The following TMEM65 variants were observed in gnomAD, a reference collection of about 807,000 sequenced individuals.
TMEM65 encodes the protein transmembrane protein 65.
A neutral mutation model predicts 25.4 loss-of-function variants in TMEM65; 22 were observed. That is an observed-to-expected ratio of 0.86 (90% CI 0.62 to 1.23). The LOEUF (loss-of-function observed/expected upper bound fraction) is 1.23. Ranked by LOEUF, TMEM65 falls within the 50% of genes most tolerant of loss-of-function variation. The pLI, the probability that TMEM65 is intolerant of heterozygous loss-of-function variation, is 0.00. For missense variants in TMEM65, 262 were observed against 308.2 expected (o/e 0.85, Z 1.12); for synonymous variants, 132 against 126.2 (o/e 1.05, Z -0.31).
intron 1 of TMEM65, 100 bp downstream of exon 1, chr8:124,371,753 GC>G (rs1815017772): frequency 1.4e-5 from 16 of 1,182,144 alleles, no homozygotes; most frequent in Non-Finnish European, 1.4e-5. Flanking sequence ...GGGGGCGGCG[GC>G]GGGGGTCCAA....
intron 1 of TMEM65, among the ~76,000 whole-genome samples, chr8:124,340,766 T>C (rs1814574869): frequency 2.0e-5 from 3 of 152,160 alleles, no homozygotes; most frequent in Admixed American, 1.3e-4. Context: ...GGTTTTAACA[T>C]TCTTATCATC....
At chr8:124,339,523 CTAA>C (rs1387528345) in intron 1 of TMEM65, among the ~76,000 whole-genome samples, 1 of 151,782 alleles carries the variant, frequency 6.6e-6, no homozygotes, top group Admixed American at 6.6e-5. Flanking sequence ...TTTAATCTGT[CTAA>C]TGTTTTTCTT....
At chr8:124,353,488 C>A (rs139700735) in intron 1 of TMEM65, among the ~76,000 whole-genome samples, 2 of 151,826 alleles carry the variant, frequency 1.3e-5, no homozygotes, top group East Asian at 3.9e-4. Flanking sequence ...TATATAAATA[C>A]ATATATTCAT....
Position 124,313,779 on chromosome 8 carries a change from C to A in TMEM65, c.*181G>T. The A allele has an allele frequency of 3.7e-6, 2 of 538,228 alleles. No individual in the cohort carries two copies. The highest frequency in any genetic ancestry group is 2.8e-5 in the South Asian group (1 of 36,064). The allele number at this position is 538,228 out of a possible 1,614,324, so 33.3% of individuals were successfully genotyped here. ...ATATACACAAAATGATACTAAACAG[C>A]TTTTTAAAAAAGATGTCCTAAGAAG... On this transcript the variant is annotated 3_prime_UTR_variant, in exon 7 of 7. Transcript: ENST00000297632.
At chr8:124,325,472 A>T (rs1814356926) in intron 3 of TMEM65, among the ~76,000 whole-genome samples, 1 of 151,988 alleles carries the variant, frequency 6.6e-6, no homozygotes. Flanking sequence ...TGCCACACCT[A>T]CTACTCTTAA....
intron 1 of TMEM65, among the ~76,000 whole-genome samples, chr8:124,369,057 G>T (rs1174341065): frequency 2.6e-5 from 4 of 152,130 alleles, no homozygotes; most frequent in Admixed American, 1.3e-4. Flanking sequence ...ACATTGAAAG[G>T]CCACTGTAAT....
Position 124,313,716 on chromosome 8 carries a change from A to G in TMEM65, c.*244T>C, listed in dbSNP as rs970807342. On this transcript the variant is annotated 3_prime_UTR_variant, in exon 7 of 7. Coordinates refer to ENST00000297632, the MANE Select transcript of TMEM65 (RefSeq NM_194291.3). ...CATTATGAATATAAAAAGAAAGGAT[A>G]AAATGTTGACTGCTATTGATGAAAA... is the stretch of plus-strand genomic sequence containing the variant. The G allele has an allele frequency of 7.4e-6, 3 of 405,106 alleles. No homozygotes were observed. Among genetic ancestry groups the G allele is most frequent in the Admixed American group, 4.2e-5 (1 of 24,006 alleles). The allele number at this position is 405,106 out of a possible 1,614,324, so 25.1% of individuals were successfully genotyped here.
At position 124,312,883 on chromosome 8, in the gene TMEM65, A is replaced by G. The variant is rs1303726007; in HGVS notation, c.*1077T>C. ...CTTCAACAGAAATTATTCATAAATAAAATTCACTAAATAAGATATAATGAG... is the reference window on the plus strand; with the variant it reads ...CTTCAACAGAAATTATTCATAAATAGAATTCACTAAATAAGATATAATGAG... On this transcript the variant is annotated 3_prime_UTR_variant, in exon 7 of 7. Transcript: ENST00000297632. 6.6e-6 allele frequency: 1 copy of G among 151,934 alleles called. No individual in the cohort carries two copies. Among genetic ancestry groups the G allele is most frequent in the African/African-American group, 2.4e-5 (1 of 41,452 alleles). The allele number at this position is 151,934 out of a possible 1,614,324, so 9.4% of individuals were successfully genotyped here. A position where few individuals can be genotyped will look rare whatever the true frequency, so the allele number is the denominator to read the frequency against.
intron 1 of TMEM65, among the ~76,000 whole-genome samples, chr8:124,339,222 A>ATAT (rs71289657): frequency 2.0e-4 from 4 of 19,908 alleles, no homozygotes; most frequent in Admixed American, 9.1e-4. Flanking sequence ...AAAAAAAAAA[A>ATAT]ATATATATAT....
At position 124,310,781 on chromosome 8, in the gene TMEM65, A is replaced by C. The variant is rs566467505; in HGVS notation, c.*3179T>G. The C allele has an allele frequency of 1.0e-3, 156 of 152,240 alleles. No individual in the cohort carries two copies. The highest frequency in any genetic ancestry group is 3.6e-3 in the African/African-American group (150 of 41,552). 9.4% of individuals were successfully genotyped at this position (152,240 alleles called of 1,614,324 possible). On this transcript the variant is annotated 3_prime_UTR_variant, in exon 7 of 7. Coordinates refer to ENST00000297632, the MANE Select transcript of TMEM65 (RefSeq NM_194291.3). ...GATAGGCTAACCAGTTTCTAAGTCC[A>C]GACAACTGAGAAAAAAAGCAGATTA...
chr8:124,328,145 C>T (rs990799470), intron 2 of TMEM65, among the ~76,000 whole-genome samples: 5 of 152,100 alleles, frequency 3.3e-5, no homozygotes, highest in Admixed American at 3.3e-4. Context: ...CTAGGTCACG[C>T]CTGTAATCCT....
At chr8:124,340,014 C>T (rs1464337693) in intron 1 of TMEM65, among the ~76,000 whole-genome samples, 1 of 152,054 alleles carries the variant, frequency 6.6e-6, no homozygotes, top group African/African-American at 2.4e-5. Flanking sequence ...CATTCTTTAA[C>T]TGGCAAGCAG....
In TMEM65 at chr8:124,313,305, T is replaced by A. The variant is rs1256483660; in HGVS notation, c.*655A>T. ...ACGCTTGTTAGTATACACGGTTTCA[T>A]GTAGCAGGGAGACCACATAATTGCT... On this transcript the variant is annotated 3_prime_UTR_variant, in exon 7 of 7. Transcript: ENST00000297632. 2.0e-5 allele frequency: 3 copies of A among 152,012 alleles called. No individual in the cohort carries two copies. 9.4% of individuals were successfully genotyped at this position (152,012 alleles called of 1,614,324 possible).
At chr8:124,333,783 G>A (rs1411955724) in intron 1 of TMEM65, among the ~76,000 whole-genome samples, 1 of 152,174 alleles carries the variant, frequency 6.6e-6, no homozygotes, top group Non-Finnish European at 1.5e-5. Context: ...TTAGTTACCT[G>A]TTTGTTGCAG....
chr8:124,318,689 C>T (rs1410147348), intron 6 of TMEM65, among the ~76,000 whole-genome samples: 1 of 152,018 alleles, frequency 6.6e-6, no homozygotes, highest in African/African-American at 2.4e-5. Flanking sequence ...ATAATTTACA[C>T]AATAATAGAT....
chr8:124,322,504 GTTTC>G (rs1435389976), intron 4 of TMEM65, among the ~76,000 whole-genome samples: 1 of 151,994 alleles, frequency 6.6e-6, no homozygotes, highest in African/African-American at 2.4e-5. Context: ...AGAAAAATAT[GTTTC>G]TTTCATTAAC....
chr8:124,333,104 A>AT (rs1406405282), intron 1 of TMEM65, among the ~76,000 whole-genome samples: 2 of 151,632 alleles, frequency 1.3e-5, no homozygotes, highest in African/African-American at 2.4e-5. Flanking sequence ...GCCCAGCCCA[A>AT]TTTTTTTTAA....
intron 6 of TMEM65, among the ~76,000 whole-genome samples, chr8:124,318,043 T>A (rs1814258695): frequency 6.6e-6 from 1 of 152,154 alleles, no homozygotes. Context: ...TTAAGAAAGT[T>A]TACCAATTTG....
At chr8:124,331,208 G>A (rs1454386437) in intron 1 of TMEM65, among the ~76,000 whole-genome samples, 1 of 151,490 alleles carries the variant, frequency 6.6e-6, no homozygotes, top group Non-Finnish European at 1.5e-5. Flanking sequence ...CATTGATAGT[G>A]GAAAACATGA....
Sources: allele counts gnomAD v4.1 joint callset (sites outside exome capture counted in the v4.1 genomes callset), GRCh38; gene constraint gnomAD v4.1.1; transcripts MANE v1.5; gene names NCBI Gene and HGNC (gene_info 2026-07-23, HGNC 2026-07-21).